HAUS1: variants seen among roughly 807,000 people sequenced by gnomAD.
The protein encoded by HAUS1 is HAUS augmin-like complex subunit 1.
A neutral mutation model predicts 38.6 loss-of-function variants in HAUS1; 25 were observed. The observed-to-expected ratio is 0.65, with a 90% confidence interval of 0.47 to 0.91. The LOEUF is 0.91. Ranked by LOEUF, HAUS1 falls within the 40% of genes least tolerant of loss-of-function variation. The probability of loss-of-function intolerance (pLI) is 0.00; values close to 1 mark genes in which losing one functional copy is unlikely to be tolerated. For synonymous variants in HAUS1, 109 were observed against 112.9 expected (o/e 0.97, Z 0.22); for missense variants, 325 against 328.4 (o/e 0.99, Z 0.08).
At chr18:46,111,597 C>G (rs1013245995) in intron 2 of HAUS1, among the ~76,000 whole-genome samples, 2 of 152,156 alleles carry the variant, frequency 1.3e-5, no homozygotes, top group African/African-American at 4.8e-5. Context: ...GCTAGGATTA[C>G]AGGTGTGAGC....
intron 2 of HAUS1, among the ~76,000 whole-genome samples, chr18:46,105,593 T>TAC (rs1911449041): frequency 6.9e-6 from 1 of 144,798 alleles, no homozygotes; most frequent in Non-Finnish European, 1.5e-5. Context: ...TGTGTGTGTG[T>TAC]ATATATTTTA....
rs527784874 is a variant in HAUS1 at position 46,124,802 on chromosome 18, CTG to C, written c.667-16_667-15del. ...TGTGAATGTTTCTATTACTCTGTGA[CTG>C]TGTTCTTTTACCCCCAGAAACTGGC... On this transcript the variant is annotated intron_variant, in intron 6 of 8. Coordinates refer to ENST00000282058, the MANE Select transcript of HAUS1 (RefSeq NM_138443.4). 5 of 1,486,272 alleles carry C rather than the reference CTG, an allele frequency of 3.4e-6. No homozygotes were observed. The highest frequency in any genetic ancestry group is 4.5e-5 in the East Asian group (2 of 44,168). 92.1% of individuals were successfully genotyped at this position (1,486,272 alleles called of 1,614,324 possible).
At position 46,110,333 on chromosome 18, in the gene HAUS1, G is replaced by GTTTTTTTTTTTTTT. The variant is rs71160713; in HGVS notation, c.205+4981_205+4994dup. Among the ~76,000 whole-genome samples the GTTTTTTTTTTTTTT allele has an allele frequency of 8.0e-5, 4 of 50,016 alleles. 1 individual carries two copies. The highest frequency in any genetic ancestry group is 1.7e-4 in the African/African-American group (2 of 11,508). The allele number at this position is 50,016 out of a possible 152,430, so 32.8% of individuals were successfully genotyped here. ...ACCATGCCCAGCTTATTTTTTTAAG[G>GTTTTTTTTTTTTTT]TTTTTTTTTTTTTTTTTTTTTTTTT... On this transcript the variant is annotated intron_variant, in intron 2 of 8. Transcript: ENST00000282058.
intron 2 of HAUS1, among the ~76,000 whole-genome samples, chr18:46,117,568 C>T (rs771457817): frequency 2.0e-5 from 3 of 152,124 alleles, no homozygotes; most frequent in Non-Finnish European, 2.9e-5. Flanking sequence ...GTGGCTCACA[C>T]CTGTAATCCT....
At chr18:46,117,238 T>G (rs1911818880) in intron 2 of HAUS1, among the ~76,000 whole-genome samples, 1 of 152,314 alleles carries the variant, frequency 6.6e-6, no homozygotes, top group Admixed American at 6.5e-5. Flanking sequence ...ACTGAATAAA[T>G]GTTTTTAGCA....
At chr18:46,104,516 T>C in intron 1 of HAUS1, 75 bp downstream of exon 1, 1 of 1,264,044 alleles carries the variant, frequency 7.9e-7, no homozygotes, top group Non-Finnish European at 1.1e-6. Flanking sequence ...ACAGCGGGTC[T>C]CCTGTGCGCG....
At chr18:46,111,274 A>G (rs1911627304) in intron 2 of HAUS1, among the ~76,000 whole-genome samples, 1 of 152,036 alleles carries the variant, frequency 6.6e-6, no homozygotes, top group Admixed American at 6.6e-5. Flanking sequence ...TGTGTATATT[A>G]TTGCTTTTGA....
chr18:46,123,401 AT>A, intron 6 of HAUS1, 37 bp downstream of exon 6: 1 of 1,343,362 alleles, frequency 7.4e-7, no homozygotes, highest in Admixed American at 1.9e-5. Flanking sequence ...TTTCTTTAAA[AT>A]TTTACTCCAC....
rs866083346 is a variant in HAUS1, at chr18:46,122,591, G to A, written c.600+1G>A. 3.7e-6 allele frequency: 6 copies of A among 1,614,134 alleles called. No homozygotes were observed. The highest frequency in any genetic ancestry group is 5.1e-6 in the Non-Finnish European group (6 of 1,180,002). On this transcript the variant is annotated splice_donor_variant, in intron 5 of 8. Coordinates refer to ENST00000282058, the MANE Select transcript of HAUS1 (RefSeq NM_138443.4). LOFTEE classifies it high-confidence loss of function. ...CAGATTTGGAATCAAGGCTGCAGAG[G>A]TTTGTATGAAGGACCGAATATAGTT...
At chr18:46,127,852 A>T (rs17757458) in intron 8 of HAUS1, among the ~76,000 whole-genome samples, 2 of 152,042 alleles carry the variant, frequency 1.3e-5, no homozygotes, top group African/African-American at 4.8e-5. Context: ...TTCCCTTCAC[A>T]TATTTCTTAG....
chr18:46,122,626 C>T (rs1365204274), intron 5 of HAUS1, 36 bp downstream of exon 5: 12 of 1,610,216 alleles, frequency 7.5e-6, no homozygotes, highest in African/African-American at 2.7e-5. Context: ...TAGCTCTCTT[C>T]GGCCTGATTT....
chr18:46,116,841 C>G (rs1379004754), intron 2 of HAUS1, among the ~76,000 whole-genome samples: 1 of 151,970 alleles, frequency 6.6e-6, no homozygotes, highest in Non-Finnish European at 1.5e-5. Context: ...GGCAAAACAC[C>G]ATCTCCACAA....
rs1241996549 is a variant in HAUS1 at position 46,120,069 on chromosome 18, T to C, written c.476+9T>C. On this transcript the variant is annotated intron_variant, in intron 4 of 8. Transcript: ENST00000282058. Reference sequence around the variant, plus strand: ...GAAAAATGTCTACAAGAGTAAGTAATTGAGTTCAGAGTGGTGACAATTTAT... The same window carrying C: ...GAAAAATGTCTACAAGAGTAAGTAACTGAGTTCAGAGTGGTGACAATTTAT... The C allele has an allele frequency of 1.3e-6, 2 of 1,579,978 alleles. No homozygotes were observed. The highest frequency in any genetic ancestry group is 1.7e-6 in the Non-Finnish European group (2 of 1,159,278).
At chr18:46,120,421 A>G (rs1911903960) in intron 4 of HAUS1, among the ~76,000 whole-genome samples, 1 of 150,620 alleles carries the variant, frequency 6.6e-6, no homozygotes, top group Non-Finnish European at 1.5e-5. Context: ...TTTAGTAGAG[A>G]CGGGGTTTCT....
At chr18:46,122,866 TG>T (rs1391050815) in intron 5 of HAUS1, among the ~76,000 whole-genome samples, 1 of 152,178 alleles carries the variant, frequency 6.6e-6, no homozygotes, top group African/African-American at 2.4e-5. Context: ...CTTAGATACA[TG>T]TACAGTTTTT....
chr18:46,122,669 T>C, intron 5 of HAUS1, 79 bp downstream of exon 5: 2 of 1,518,452 alleles, frequency 1.3e-6, no homozygotes, highest in South Asian at 1.1e-5. Context: ...GGCATTATTA[T>C]TCCCTTTTTA....
In HAUS1 at chr18:46,125,733, T is replaced by C; in HGVS notation, c.739-11T>C. 6.3e-7 allele frequency: 1 copy of C among 1,582,778 alleles called. No homozygotes were observed. The highest frequency in any genetic ancestry group is 8.7e-7 in the Non-Finnish European group (1 of 1,154,950). On this transcript the variant is annotated splice_polypyrimidine_tract_variant and intron_variant, in intron 7 of 8. Transcript: ENST00000282058. ...CAATATAACCTTTCCTTGTTTTATTTTTTTTTAAAGAATCCGTCTCTTGCT... is the reference window on the plus strand; with the variant it reads ...CAATATAACCTTTCCTTGTTTTATTCTTTTTTAAAGAATCCGTCTCTTGCT...
chr18:46,124,921 A>G (rs1912057570), intron 7 of HAUS1, 28 bp downstream of exon 7: 1 of 1,265,682 alleles, frequency 7.9e-7, no homozygotes, highest in African/African-American at 1.5e-5. Context: ...TTAAAAAACA[A>G]TTATTTCCTC....
intron 8 of HAUS1, among the ~76,000 whole-genome samples, chr18:46,126,155 A>C (rs2144267379): frequency 6.6e-6 from 1 of 152,186 alleles, no homozygotes; most frequent in Admixed American, 6.5e-5. Context: ...CGTGCCCGTA[A>C]TCCCAGCTAC....
Sources: gnomAD v4.1 joint callset for allele counts (sites outside exome capture counted in the v4.1 genomes callset) on GRCh38, gnomAD v4.1.1 for gene constraint, MANE v1.5 for transcripts, NCBI Gene and HGNC (gene_info 2026-07-23, HGNC 2026-07-21) for gene names.